Variants in CRYBG3 observed in about 807,000 individuals in gnomAD.
The protein encoded by CRYBG3 is very large A-kinase anchor protein.
Under a neutral mutation model 244.2 loss-of-function variants are expected in CRYBG3, and 127 were observed. The observed-to-expected ratio is 0.52, with a 90% confidence interval of 0.45 to 0.60. The LOEUF is 0.60. CRYBG3 is among the 20% of genes least tolerant of loss of function. The pLI, the probability that CRYBG3 is intolerant of heterozygous loss-of-function variation, is 0.00. For missense variants in CRYBG3, 3,325 were observed against 3,442.5 expected (o/e 0.97, Z 0.85); for synonymous variants, 1,132 against 1,195.8 (o/e 0.95, Z 1.10).
chr3:97,869,743 T>G (rs1408454516), intron 3 of CRYBG3, among the ~76,000 whole-genome samples: 2 of 152,196 alleles, frequency 1.3e-5, no homozygotes, highest in East Asian at 3.8e-4. Flanking sequence ...CCTTTAGTGC[T>G]TTATAATGGA....
At chr3:97,936,975 G>A (rs2040172188) in intron 19 of CRYBG3, 67 bp downstream of exon 19, 1 of 1,528,804 alleles carries the variant, frequency 6.5e-7, no homozygotes, top group Admixed American at 1.9e-5. Context: ...ATAAACCACA[G>A]CATCTGAAAT....
At chr3:97,852,799 G>T (rs895077357) in intron 2 of CRYBG3, among the ~76,000 whole-genome samples, 2 of 152,100 alleles carry the variant, frequency 1.3e-5, no homozygotes, top group Admixed American at 6.5e-5. Context: ...CACCAACAGT[G>T]TATAACAGTT....
At position 97,875,195 on chromosome 3, in the gene CRYBG3, C is replaced by T. The variant is rs1158856706; in HGVS notation, c.4001C>T (p.Ser1334Phe). 6.5e-7 allele frequency: 1 copy of T among 1,535,400 alleles called. No homozygotes were observed. Among genetic ancestry groups the T allele is most frequent in the Admixed American group, 2.0e-5 (1 of 50,912 alleles). ...TFEDTEDTWD[S>F]ELQANTSKIL... ...GAAGATACTGAGGATACTTGGGATT[C>T]TGAACTTCAGGCTAATACTTCAAAA... The change falls in exon 4 of 22, where the codon TCT (serine) becomes TTT (phenylalanine). Residue 1334 changes from serine to phenylalanine, a missense_variant. By Grantham distance (155) the Ser-to-Phe change is radical. Transcript: ENST00000389622.
intron 2 of CRYBG3, among the ~76,000 whole-genome samples, chr3:97,860,301 C>T (rs892321605): frequency 2.0e-4 from 30 of 152,194 alleles, no homozygotes; most frequent in African/African-American, 4.8e-4. Context: ...AGATAAAAAT[C>T]GTTGGCCTTG....
Position 97,943,762 on chromosome 3 carries a change from A to AGAT in CRYBG3, c.*451_*453dup, listed in dbSNP as rs34808972. On this transcript the variant is annotated 3_prime_UTR_variant, in exon 22 of 22. Transcript: ENST00000389622. ...TAGGTCAAGTCATACTTTTGCAAAC[A>AGAT]GATGAGTAATTTTTTAGCAACACCT... 70,473 of 153,110 alleles carry AGAT rather than the reference A, an allele frequency of 0.46. 17,030 individuals carry two copies. The highest frequency in any genetic ancestry group is 0.68 in the East Asian group (3,477 of 5,130). The allele number at this position is 153,110 out of a possible 1,614,324, so 9.5% of individuals were successfully genotyped here.
At chr3:97,847,512 A>G (rs1002623131) in intron 2 of CRYBG3, among the ~76,000 whole-genome samples, 1 of 152,256 alleles carries the variant, frequency 6.6e-6, no homozygotes, top group Non-Finnish European at 1.5e-5. Flanking sequence ...CTATTCGTGT[A>G]CTGAATTTTT....
At chr3:97,886,234 T>C (rs2108228135) in intron 7 of CRYBG3, among the ~76,000 whole-genome samples, 1 of 152,258 alleles carries the variant, frequency 6.6e-6, no homozygotes, top group African/African-American at 2.4e-5. Flanking sequence ...TGAGATCAGC[T>C]TTTATTTAAC....
chr3:97,863,502 G>T (rs191557665), intron 2 of CRYBG3, among the ~76,000 whole-genome samples: 1 of 152,184 alleles, frequency 6.6e-6, no homozygotes, highest in African/African-American at 2.4e-5. Context: ...TATGTATCAG[G>T]ACTTCCTGTT....
At chr3:97,911,681 TCTC>T (rs1202488530) in intron 15 of CRYBG3, among the ~76,000 whole-genome samples, 1 of 152,228 alleles carries the variant, frequency 6.6e-6, no homozygotes, top group African/African-American at 2.4e-5. Flanking sequence ...GTGCTCGTGC[TCTC>T]CTCTTCTTAT....
chr3:97,876,481 G>A lies in CRYBG3; in HGVS notation c.5287G>A (p.Val1763Ile), dbSNP rs529076768. ...TEVMPLALEVVNTYQKNAKGF... is the reference protein window; with the variant it reads ...TEVMPLALEVINTYQKNAKGF... ...GGTGATGCCCCTTGCATTAGAGGTA[G>A]TAAATACTTACCAAAAAAATGCCAA... Residue 1763 changes from valine (V) to isoleucine (I), a missense_variant, in exon 4 of 22, where the codon GTA (valine) becomes ATA (isoleucine). Physicochemically the swap from Val to Ile is conservative, Grantham distance 29. This residue lies in a region of CRYBG3 where 635 missense variants were observed against 771.7 expected (regional missense o/e 0.82). Transcript: ENST00000389622. 3 of 1,232,104 alleles carry A rather than the reference G, an allele frequency of 2.4e-6. No individual in the cohort carries two copies. The African/African-American group carries it at 4.6e-5, about 19-fold the overall frequency. The allele number at this position is 1,232,104 out of a possible 1,614,324, so 76.3% of individuals were successfully genotyped here.
At chr3:97,832,377 A>T (rs1576507687) in intron 1 of CRYBG3, among the ~76,000 whole-genome samples, 1 of 152,266 alleles carries the variant, frequency 6.6e-6, no homozygotes, top group Middle Eastern at 3.4e-3. Flanking sequence ...AGATACATAG[A>T]CCAATGGAAC....
At position 97,943,210 on chromosome 3, in the gene CRYBG3, G is replaced by T; in HGVS notation, c.8825-16G>T. On this transcript the variant is annotated splice_polypyrimidine_tract_variant and intron_variant, in intron 21 of 21. Transcript: ENST00000389622. Reference sequence around the variant, plus strand: ...GCCTGAACAAATAATCTTTTCTTTTGGAATTTCTATTTTAGGAGGAAATTA... The same window carrying T: ...GCCTGAACAAATAATCTTTTCTTTTTGAATTTCTATTTTAGGAGGAAATTA... The T allele has an allele frequency of 6.9e-7, 1 of 1,439,526 alleles. No individual in the cohort carries two copies. Among genetic ancestry groups the T allele is most frequent in the South Asian group, 1.2e-5 (1 of 83,902 alleles). 89.2% of individuals were successfully genotyped at this position (1,439,526 alleles called of 1,614,324 possible).
chr3:97,893,091 A>G (rs1412453998), intron 11 of CRYBG3, 98 bp downstream of exon 11: 5 of 1,014,896 alleles, frequency 4.9e-6, no homozygotes, highest in Non-Finnish European at 7.3e-6. Context: ...TTTTTAATCT[A>G]AAAATATACA....
intron 17 of CRYBG3, among the ~76,000 whole-genome samples, chr3:97,925,926 G>A (rs962023299): frequency 1.3e-5 from 2 of 151,918 alleles, no homozygotes; most frequent in African/African-American, 4.8e-5. Flanking sequence ...AACCAAATGA[G>A]AGAGGCTCTA....
chr3:97,863,968 TAG>T (rs2039187977), intron 2 of CRYBG3, among the ~76,000 whole-genome samples: 3 of 152,174 alleles, frequency 2.0e-5, no homozygotes. Flanking sequence ...AAGTCTGGAC[TAG>T]TTGCTCGTGC....
intron 4 of CRYBG3, among the ~76,000 whole-genome samples, chr3:97,878,908 T>C (rs992340604): frequency 1.3e-5 from 2 of 152,188 alleles, no homozygotes; most frequent in Admixed American, 1.3e-4. Context: ...GAATGCTTAT[T>C]AAATATGGGA....
At chr3:97,883,127 C>T (rs1442620868) in intron 7 of CRYBG3, among the ~76,000 whole-genome samples, 2 of 152,114 alleles carry the variant, frequency 1.3e-5, no homozygotes, top group African/African-American at 4.8e-5. Flanking sequence ...AGGAGTTAAG[C>T]AGTCTGGGAG....
intron 17 of CRYBG3, among the ~76,000 whole-genome samples, chr3:97,932,829 C>G (rs1031001891): frequency 3.9e-5 from 6 of 152,028 alleles, no homozygotes; most frequent in African/African-American, 7.2e-5. Flanking sequence ...AATGTTTTCC[C>G]TCTGTTCACC....
intron 15 of CRYBG3, among the ~76,000 whole-genome samples, chr3:97,905,377 C>T (rs2039759904): frequency 6.6e-6 from 1 of 151,756 alleles, no homozygotes; most frequent in South Asian, 2.1e-4. Context: ...AAAAGTGTTC[C>T]TATTTCTTCA....
Sources: gnomAD v4.1 joint callset for allele counts (sites outside exome capture counted in the v4.1 genomes callset) on GRCh38, gnomAD v4.1.1 for gene constraint, gnomAD v4.1.1 regional missense constraint, MANE v1.5 for transcripts, NCBI Gene and HGNC (gene_info 2026-07-23, HGNC 2026-07-21) for gene names.